The following SLC4A10 variants were observed in gnomAD, a reference collection of about 807,000 sequenced individuals.
The protein encoded by SLC4A10 is sodium-driven chloride bicarbonate exchanger.
SLC4A10 carries 42 observed loss-of-function variants against 137.7 expected under a neutral mutation model. That is an observed-to-expected ratio of 0.30 (90% CI 0.24 to 0.39). SLC4A10 has a LOEUF of 0.39. SLC4A10 is among the 10% of genes least tolerant of loss of function. The probability of loss-of-function intolerance (pLI) is 1.00; values close to 1 mark genes in which losing one functional copy is unlikely to be tolerated. For missense variants in SLC4A10, 925 were observed against 1,355.0 expected (o/e 0.68, Z 4.98); for synonymous variants, 474 against 464.1 (o/e 1.02, Z -0.27).
At position 161,957,166 on chromosome 2, in the gene SLC4A10, C is replaced by T; in HGVS notation, c.2719C>T (p.Arg907Trp). 3 of 1,613,636 alleles carry T rather than the reference C, an allele frequency of 1.9e-6. No individual in the cohort carries two copies. The highest frequency in any genetic ancestry group is 2.5e-6 in the Non-Finnish European group (3 of 1,179,782). ...PGEQPKFLGI[R>W]EQRVTGLMIF... ...AGAACAACCCAAATTTCTCGGCATT[C>T]GGGAGCAAAGGGTTACTGGGCTTAT... Residue 907 changes from arginine (R) to tryptophan (W), a missense_variant, in exon 20 of 27, where the codon CGG becomes TGG. This residue lies in a region of SLC4A10 where 115 missense variants were observed against 237.5 expected (regional missense o/e 0.48). Transcript: ENST00000446997.
chr2:161,625,838 CAAGAATAG>C (rs1314166123), intron 1 of SLC4A10, among the ~76,000 whole-genome samples: 5 of 151,778 alleles, frequency 3.3e-5, no homozygotes, highest in African/African-American at 1.2e-4. Context: ...GAGTTACCAC[CAAGAATAG>C]AGTCTCAACA....
intron 10 of SLC4A10, among the ~76,000 whole-genome samples, chr2:161,888,568 GT>G (rs2062568244): frequency 6.6e-6 from 1 of 152,152 alleles, no homozygotes; most frequent in Admixed American, 6.5e-5. Flanking sequence ...GTGAATGGGA[GT>G]TCACTCATGA....
chr2:161,945,538 A>T (rs1218447647), intron 16 of SLC4A10, among the ~76,000 whole-genome samples: 1 of 151,446 alleles, frequency 6.6e-6, no homozygotes, highest in Non-Finnish European at 1.5e-5. Flanking sequence ...AAAAAACGAG[A>T]GCAGGATTTG....
intron 1 of SLC4A10, among the ~76,000 whole-genome samples, chr2:161,723,167 A>T (rs1445398976): frequency 6.6e-6 from 1 of 152,096 alleles, no homozygotes; most frequent in African/African-American, 2.4e-5. Context: ...TTGGGTCCCA[A>T]GGCACTAGTG....
intron 1 of SLC4A10, among the ~76,000 whole-genome samples, chr2:161,669,979 G>A (rs2039504933): frequency 6.6e-6 from 1 of 151,996 alleles, no homozygotes; most frequent in Non-Finnish European, 1.5e-5. Context: ...TAAAATCATG[G>A]TTCCATTGCC....
intron 15 of SLC4A10, among the ~76,000 whole-genome samples, chr2:161,941,527 A>G (rs556373525): frequency 2.0e-5 from 3 of 152,274 alleles, no homozygotes; most frequent in African/African-American, 7.2e-5. Context: ...ATTTAAATAT[A>G]CTAAAATTAA....
At chr2:161,754,314 G>A (rs2049341981) in intron 1 of SLC4A10, among the ~76,000 whole-genome samples, 2 of 152,186 alleles carry the variant, frequency 1.3e-5, no homozygotes, top group South Asian at 2.1e-4. Context: ...CCAAGTGGGA[G>A]GGTGAACATA....
At chr2:161,891,496 T>C (rs2062918905) in intron 10 of SLC4A10, among the ~76,000 whole-genome samples, 1 of 152,078 alleles carries the variant, frequency 6.6e-6, no homozygotes, top group Non-Finnish European at 1.5e-5. Context: ...GTTCATTCCT[T>C]TTCATTATTT....
In SLC4A10 at chr2:161,957,151, A is replaced by C. The variant is rs543195068; in HGVS notation, c.2704A>C (p.Lys902Gln). 1 of 1,613,716 alleles carries C rather than the reference A, an allele frequency of 6.2e-7. No homozygotes were observed. Among genetic ancestry groups the C allele is most frequent in the East Asian group, 2.2e-5 (1 of 44,856 alleles). ...SECSAPGEQP[K>Q]FLGIREQRVT... ...ATGCTCAGCTCCAGGAGAACAACCC[A>C]AATTTCTCGGCATTCGGGAGCAAAG... is the stretch of plus-strand genomic sequence containing the variant. The change falls in exon 20 of 27, where the codon AAA becomes CAA. Residue 902 changes from lysine (K) to glutamine (Q), a missense_variant. By Grantham distance (53) the Lys-to-Gln change is moderately conservative. Transcript: ENST00000446997.
At chr2:161,724,509 T>C (rs906296458) in intron 1 of SLC4A10, among the ~76,000 whole-genome samples, 1 of 152,158 alleles carries the variant, frequency 6.6e-6, no homozygotes, top group Non-Finnish European at 1.5e-5. Flanking sequence ...GGGGGAGCAG[T>C]GTGAACAAGA....
At chr2:161,810,700 A>C (rs147489834) in intron 3 of SLC4A10, among the ~76,000 whole-genome samples, 2 of 152,160 alleles carry the variant, frequency 1.3e-5, no homozygotes, top group Non-Finnish European at 2.9e-5. Flanking sequence ...CCAACCTTGC[A>C]TTCCAGGAAT....
intron 2 of SLC4A10, 123 bp downstream of exon 2, chr2:161,771,177 G>C (rs1257487719): frequency 1.5e-6 from 1 of 680,068 alleles, no homozygotes; most frequent in African/African-American, 1.8e-5. Context: ...TAGCTTACTG[G>C]GGAGGGGTAC....
At chr2:161,832,632 A>G (rs1229316427) in intron 3 of SLC4A10, among the ~76,000 whole-genome samples, 1 of 152,202 alleles carries the variant, frequency 6.6e-6, no homozygotes, top group Non-Finnish European at 1.5e-5. Flanking sequence ...GTCTGGCAGT[A>G]GTCTCAGGTT....
At chr2:161,778,701 A>T (rs1185668507) in intron 2 of SLC4A10, among the ~76,000 whole-genome samples, 1 of 151,984 alleles carries the variant, frequency 6.6e-6, no homozygotes, top group Admixed American at 6.6e-5. Flanking sequence ...AATTCATAAA[A>T]GTATAACTTT....
At chr2:161,656,752 T>A (rs2037589519) in intron 1 of SLC4A10, among the ~76,000 whole-genome samples, 1 of 152,182 alleles carries the variant, frequency 6.6e-6, no homozygotes, top group Non-Finnish European at 1.5e-5. Context: ...GGCCTGAGAA[T>A]TAGAAATTCT....
At chr2:161,805,565 T>A (rs949046914) in intron 3 of SLC4A10, among the ~76,000 whole-genome samples, 1 of 152,124 alleles carries the variant, frequency 6.6e-6, no homozygotes, top group African/African-American at 2.4e-5. Flanking sequence ...CCATTCCAAA[T>A]GGGAGATATT....
rs550446328 is a variant in SLC4A10, at chr2:161,809,237, G to C, written c.277+4642G>C. 2.0e-5 allele frequency among the ~76,000 whole-genome samples: 3 copies of C among 151,904 alleles called. No homozygotes were observed. The East Asian group carries it at 5.8e-4, about 29-fold the overall frequency. On this transcript the variant is annotated intron_variant, in intron 3 of 26. Transcript: ENST00000446997. ...TTTTTAGTAGAATTATTTGTTTTTT[G>C]CTTGTTGATTTGTTTAAATTTTGCT...
At chr2:161,783,740 A>G (rs773423800) in intron 2 of SLC4A10, among the ~76,000 whole-genome samples, 1 of 151,744 alleles carries the variant, frequency 6.6e-6, no homozygotes, top group Non-Finnish European at 1.5e-5. Context: ...TATAAACCCC[A>G]TGGTATCTAA....
intron 3 of SLC4A10, among the ~76,000 whole-genome samples, chr2:161,807,536 A>G (rs1334470506): frequency 1.3e-5 from 2 of 152,142 alleles, no homozygotes; most frequent in Admixed American, 1.3e-4. Context: ...CTTGCTGTGC[A>G]GCTACTTAAC....
Sources: allele counts gnomAD v4.1 joint callset (sites outside exome capture counted in the v4.1 genomes callset), GRCh38; gene constraint gnomAD v4.1.1; regional missense constraint gnomAD v4.1.1; transcripts MANE v1.5; gene names NCBI Gene and HGNC (gene_info 2026-07-23, HGNC 2026-07-21).